ZNF586: variants seen among roughly 807,000 people sequenced by gnomAD.
ZNF586 encodes zinc finger protein 586.
In ZNF586, 7 loss-of-function variants were observed where a neutral mutation model predicts 6.7. The ratio of observed to expected loss-of-function variants is 1.04; its 90% CI spans 0.59 to 1.95. The LOEUF is 1.95. Among genes scored for constraint, ZNF586 ranks in the 30% most tolerant of loss-of-function variants. The probability of loss-of-function intolerance (pLI) is 0.00; values close to 1 mark genes in which losing one functional copy is unlikely to be tolerated. For synonymous variants in ZNF586, 166 were observed against 168.7 expected (o/e 0.98, Z 0.12); for missense variants, 442 against 489.6 (o/e 0.90, Z 0.92).
rs781215956 is a variant in ZNF586 at position 57,769,869 on chromosome 19, G to A, written c.27G>A (p.Ala9=). The A allele has an allele frequency of 1.9e-5, 30 of 1,543,148 alleles. No homozygotes were observed. The East Asian group carries it at 5.5e-4, about 28-fold the overall frequency. The stretch of plus-strand genomic sequence containing the variant: ...TGGCGGCAGCAGCCGCTCTGAGGGC[G>A]CCTGCTCAGGTGAGCGCTGCGACCT... MAAAAALR[A]PAQSSVTFED... Residue 9 remains alanine (A), a synonymous_variant, in exon 1 of 3, where the codon GCG becomes GCA. Coordinates refer to ENST00000396154, the MANE Select transcript of ZNF586 (RefSeq NM_017652.4).
intron 1 of ZNF586, among the ~76,000 whole-genome samples, chr19:57,773,800 G>A (rs1987155732): frequency 6.6e-6 from 1 of 152,226 alleles, no homozygotes; most frequent in African/African-American, 2.4e-5. Flanking sequence ...CTTTAGTGTG[G>A]CCTGGGGTGT....
intron 2 of ZNF586, among the ~76,000 whole-genome samples, 165 bp from the exon 3 acceptor site, chr19:57,778,586 A>G (rs1254020460): frequency 6.6e-6 from 1 of 152,048 alleles, no homozygotes; most frequent in Non-Finnish European, 1.5e-5. Flanking sequence ...GAGGCCTTCT[A>G]TATCTGTGAT....
chr19:57,771,911 G>A (rs1407069851), intron 1 of ZNF586, among the ~76,000 whole-genome samples: 4 of 152,002 alleles, frequency 2.6e-5, no homozygotes, highest in Non-Finnish European at 5.9e-5. Flanking sequence ...TGCAACCTCC[G>A]CCTCCTGAGT....
intron 2 of ZNF586, among the ~76,000 whole-genome samples, chr19:57,777,378 G>T (rs1465642127): frequency 6.6e-6 from 1 of 152,050 alleles, no homozygotes; most frequent in Non-Finnish European, 1.5e-5. Flanking sequence ...GAAATGAAGA[G>T]CCCGTGGTTG....
chr19:57,772,241 G>A (rs1374898543), intron 1 of ZNF586, among the ~76,000 whole-genome samples: 1 of 152,216 alleles, frequency 6.6e-6, no homozygotes, highest in Non-Finnish European at 1.5e-5. Context: ...TGAGCAAGTT[G>A]ATAGCAGGTG....
intron 2 of ZNF586, among the ~76,000 whole-genome samples, chr19:57,777,721 T>G (rs1427489227): frequency 2.6e-5 from 4 of 151,930 alleles, no homozygotes. Context: ...CTCATGTATT[T>G]TGTATTACGA....
In ZNF586 at chr19:57,779,944, G is replaced by A; in HGVS notation, c.*148G>A. 1.4e-6 allele frequency: 1 copy of A among 697,364 alleles called. No individual in the cohort carries two copies. Among genetic ancestry groups the A allele is most frequent in the Non-Finnish European group, 2.3e-6 (1 of 431,694 alleles). The allele number at this position is 697,364 out of a possible 1,614,324, so 43.2% of individuals were successfully genotyped here. A position where few individuals can be genotyped will look rare whatever the true frequency, so the allele number is the denominator to read the frequency against. On this transcript the variant is annotated 3_prime_UTR_variant, in exon 3 of 3. Coordinates refer to ENST00000396154, the MANE Select transcript of ZNF586 (RefSeq NM_017652.4). ...CTTTACATAAAAGAGTGCTCCCACT[G>A]AAGAAGTGCCTTTTGAGTGCAATGA...
Position 57,779,787 on chromosome 19 carries a change from T to G in ZNF586, c.1200T>G (p.Pro400=). The change falls in exon 3 of 3, where the codon CCT becomes CCG. Residue 400 remains proline (P), a synonymous_variant. Transcript: ENST00000396154. ...AGAGAGTTCATACTGGAATGAGGCCTTATAAGTGAAGCAAATTTTGGAAAT... is the reference window on the plus strand; with the variant it reads ...AGAGAGTTCATACTGGAATGAGGCCGTATAAGTGAAGCAAATTTTGGAAAT... The part of the protein sequence containing the change: ...RHQRVHTGMR[P]YK 10 of 1,572,516 alleles carry G rather than the reference T, an allele frequency of 6.4e-6. No homozygotes were observed. The highest frequency in any genetic ancestry group is 8.6e-6 in the Non-Finnish European group (10 of 1,160,968).
chr19:57,769,903 T>TTGCCCCCCCCA, intron 1 of ZNF586, 25 bp downstream of exon 1: 1 of 1,475,868 alleles, frequency 6.8e-7, no homozygotes, highest in Non-Finnish European at 9.1e-7. Context: ...CTCCGGGCCT[T>TTGCCCCCCCCA]ACCCACCCTA....
chr19:57,774,713 T>TGA (rs1251711011), intron 1 of ZNF586: 1 of 981,356 alleles, frequency 1.0e-6, no homozygotes, highest in African/African-American at 1.7e-5. Flanking sequence ...CCATTGCTAT[T>TGA]GAGAAACATT....
rs867629134 is a variant in ZNF586 at position 57,779,608 on chromosome 19, G to A, written c.1021G>A (p.Gly341Arg). The change falls in exon 3 of 3, where the codon GGA becomes AGA. Residue 341 changes from glycine (G) to arginine (R), a missense_variant. Physicochemically the swap from Gly to Arg is moderately radical, Grantham distance 125 (BLOSUM62 -2). Coordinates refer to ENST00000396154, the MANE Select transcript of ZNF586 (RefSeq NM_017652.4). ...TATTATACATCTGAGAGTTCACACT[G>A]GAGAAAGGCCTTATGAGTGCAGTGA... is the stretch of plus-strand genomic sequence containing the variant. Reference protein sequence around the residue: ...SLIIHLRVHTGERPYECSDCG... With the variant: ...SLIIHLRVHTRERPYECSDCG... The A allele has an allele frequency of 6.2e-7, 1 of 1,613,424 alleles. No individual in the cohort carries two copies. The highest frequency in any genetic ancestry group is 8.5e-7 in the Non-Finnish European group (1 of 1,179,898).
intron 2 of ZNF586, among the ~76,000 whole-genome samples, chr19:57,777,912 C>T (rs182804285): frequency 7.3e-5 from 11 of 150,768 alleles, no homozygotes; most frequent in East Asian, 5.9e-4. Context: ...CCCACCACCA[C>T]GCCCGGCTAA....
rs1987037092 is a variant in ZNF586, at chr19:57,769,691, C to A, written c.-152C>A. The A allele has an allele frequency of 4.9e-6, 4 of 815,680 alleles. No homozygotes were observed. The highest frequency in any genetic ancestry group is 3.0e-5 in the South Asian group (2 of 66,406). The allele number at this position is 815,680 out of a possible 1,614,324, so 50.5% of individuals were successfully genotyped here. ...AGCCATTTTGGCCTGTCAGGTCCATCCGGCGATGCTGGGTCTGGACGAGCT... is the reference window on the plus strand; with the variant it reads ...AGCCATTTTGGCCTGTCAGGTCCATACGGCGATGCTGGGTCTGGACGAGCT... On this transcript the variant is annotated 5_prime_UTR_variant, in exon 1 of 3. Transcript: ENST00000396154.
At chr19:57,769,903 T>TTGGCCC in intron 1 of ZNF586, 25 bp downstream of exon 1, 49 of 1,475,184 alleles carry the variant, frequency 3.3e-5, no homozygotes, top group Non-Finnish European at 4.1e-5. Flanking sequence ...CTCCGGGCCT[T>TTGGCCC]ACCCACCCTA....
At position 57,779,237 on chromosome 19, in the gene ZNF586, A is replaced by G. The variant is rs768590958; in HGVS notation, c.650A>G (p.Tyr217Cys). The G allele has an allele frequency of 1.2e-6, 2 of 1,614,152 alleles. No homozygotes were observed. The highest frequency in any genetic ancestry group is 1.1e-5 in the South Asian group (1 of 91,080). Residue 217 changes from tyrosine to cysteine, a missense_variant, in exon 3 of 3, where the codon TAT becomes TGT. Tyr to Cys is a radical substitution (Grantham distance 194, BLOSUM62 -2). Coordinates refer to ENST00000396154, the MANE Select transcript of ZNF586 (RefSeq NM_017652.4). The part of the protein sequence containing the change: ...ECNECGKSFA[Y>C]TSSLIKHRRI... The stretch of plus-strand genomic sequence containing the variant: ...AATGAATGTGGGAAGTCCTTTGCTT[A>G]TACATCTAGTCTCATTAAACACAGG...
intron 1 of ZNF586, among the ~76,000 whole-genome samples, chr19:57,772,499 G>GTT (rs397694745): frequency 0.031 from 4,591 of 147,308 alleles, 217 homozygotes; most frequent in African/African-American, 0.1. Flanking sequence ...GCCCCAGGAT[G>GTT]TTTTTTTTTT....
chr19:57,775,296 C>T (rs1407113611), intron 1 of ZNF586, among the ~76,000 whole-genome samples: 2 of 152,166 alleles, frequency 1.3e-5, no homozygotes, highest in Non-Finnish European at 2.9e-5. Flanking sequence ...CCACCGCACC[C>T]AATGCAGGTT....
At chr19:57,771,610 ATACT>A (rs1428268605) in intron 1 of ZNF586, among the ~76,000 whole-genome samples, 9 of 152,154 alleles carry the variant, frequency 5.9e-5, no homozygotes, top group East Asian at 5.8e-4. Flanking sequence ...GGGTGTGCAA[ATACT>A]TACTTAGAAG....
chr19:57,773,553 G>A (rs904891083), intron 1 of ZNF586, among the ~76,000 whole-genome samples: 2 of 151,956 alleles, frequency 1.3e-5, no homozygotes, highest in East Asian at 3.9e-4. Context: ...ATAGGTGCCT[G>A]CCACCATGCC....
Sources: allele counts gnomAD v4.1 joint callset (sites outside exome capture counted in the v4.1 genomes callset), GRCh38; gene constraint gnomAD v4.1.1; transcripts MANE v1.5; gene names NCBI Gene and HGNC (gene_info 2026-07-23, HGNC 2026-07-21).